Variants in GNAO1 observed in about 807,000 individuals in gnomAD.
GNAO1 encodes the protein guanine nucleotide-binding protein G(o) subunit alpha.
For synonymous variants in GNAO1, 164 were observed against 180.7 expected, an observed-to-expected ratio of 0.91 and a Z score of 0.74; for missense variants, 166 against 478.7, an observed-to-expected ratio of 0.35 and a Z score of 6.10.
intron 2 of GNAO1, among the ~76,000 whole-genome samples, chr16:56,271,650 T>C (rs1430750219): frequency 6.6e-6 from 1 of 152,182 alleles, no homozygotes; most frequent in Non-Finnish European, 1.5e-5. Flanking sequence ...AGACGGGGTT[T>C]CACCATGTTA....
chr16:56,213,377 G>A (rs2036408323), intron 2 of GNAO1: 1 of 398,436 alleles, frequency 2.5e-6, no homozygotes, highest in Non-Finnish European at 4.4e-6. Context: ...ATTCTTGTTA[G>A]GGGAGACAGG....
chr16:56,232,344 A>G (rs1250248718), intron 2 of GNAO1, among the ~76,000 whole-genome samples: 1 of 152,166 alleles, frequency 6.6e-6, no homozygotes, highest in Non-Finnish European at 1.5e-5. Flanking sequence ...GAGTGGCTCT[A>G]ATGAGTCAGG....
intron 6 of GNAO1, among the ~76,000 whole-genome samples, chr16:56,338,151 C>T (rs541861482): frequency 1.3e-5 from 2 of 152,256 alleles, no homozygotes; most frequent in South Asian, 2.1e-4. Flanking sequence ...GAGGAGCCGC[C>T]GCCCTGAGGG....
chr16:56,300,022 TGTGTGTGTGTGTGTGC>T (rs2037326345), intron 3 of GNAO1, among the ~76,000 whole-genome samples: 1 of 132,116 alleles, frequency 7.6e-6, no homozygotes, highest in African/African-American at 3.1e-5. Context: ...TGTGTGTGTG[TGTGTGTGTGTGTGTGC>T]GCGCGCGCGC....
chr16:56,347,993 C>T lies in GNAO1; in HGVS notation c.724-3391C>T, dbSNP rs1006688209. 4.1e-5 allele frequency: 40 copies of T among 981,100 alleles called. No homozygotes were observed. The Admixed American group carries it at 2.4e-3, about 59-fold the overall frequency. The allele number at this position is 981,100 out of a possible 1,614,324, so 60.8% of individuals were successfully genotyped here. A position where few individuals can be genotyped will look rare whatever the true frequency, so the allele number is the denominator to read the frequency against. On this transcript the variant is annotated intron_variant, in intron 6 of 8. Transcript: ENST00000262493. ...TCTAGGCGAGGTGGGCTCGGGCGTC[C>T]CAGGCCCTCCTTAGAAAAGCCGTCT...
At chr16:56,197,141 G>A (rs1339757002) in intron 2 of GNAO1, among the ~76,000 whole-genome samples, 1 of 152,210 alleles carries the variant, frequency 6.6e-6, no homozygotes, top group African/African-American at 2.4e-5. Context: ...ATTAATGGAG[G>A]TGAATAGCAA....
intron 3 of GNAO1, among the ~76,000 whole-genome samples, chr16:56,319,427 AG>A (rs1722473883): frequency 6.6e-6 from 1 of 152,090 alleles, no homozygotes; most frequent in South Asian, 2.1e-4. Context: ...GGTGGGTAGG[AG>A]CTGGGTACAC....
intron 2 of GNAO1, among the ~76,000 whole-genome samples, chr16:56,226,222 T>C (rs2036531820): frequency 6.6e-6 from 1 of 152,140 alleles, no homozygotes; most frequent in Non-Finnish European, 1.5e-5. Context: ...GGACCAAGTT[T>C]GTGGCAGTAG....
At chr16:56,209,934 T>A (rs1423582803) in intron 2 of GNAO1, among the ~76,000 whole-genome samples, 1 of 152,158 alleles carries the variant, frequency 6.6e-6, no homozygotes, top group Non-Finnish European at 1.5e-5. Flanking sequence ...TAGGCTTTAC[T>A]CTTGGTGGTG....
chr16:56,232,103 C>T (rs1294023611), intron 2 of GNAO1, among the ~76,000 whole-genome samples: 2 of 152,078 alleles, frequency 1.3e-5, no homozygotes, highest in South Asian at 2.1e-4. Context: ...AAGGCGTTGA[C>T]GGATGTCTGC....
At chr16:56,307,886 T>G (rs957826219) in intron 3 of GNAO1, 7 of 152,276 alleles carry the variant, frequency 4.6e-5, no homozygotes, top group Non-Finnish European at 7.3e-5. Context: ...CAAGGGACCT[T>G]GGTTCTTCCA....
chr16:56,350,736 G>A (rs1434656506), intron 6 of GNAO1, among the ~76,000 whole-genome samples: 3 of 152,102 alleles, frequency 2.0e-5, no homozygotes, highest in African/African-American at 7.2e-5. Context: ...ATGCTGGCAG[G>A]ACCTGGCATG....
At chr16:56,220,386 G>A (rs1213852010) in intron 2 of GNAO1, among the ~76,000 whole-genome samples, 3 of 152,140 alleles carry the variant, frequency 2.0e-5, no homozygotes, top group Admixed American at 2.0e-4. Flanking sequence ...AGGTTCCCTG[G>A]TAAGTCCAGG....
intron 2 of GNAO1, among the ~76,000 whole-genome samples, chr16:56,203,230 A>G (rs1278427657): frequency 6.6e-6 from 1 of 152,086 alleles, no homozygotes; most frequent in East Asian, 1.9e-4. Context: ...TGGGGCTGCC[A>G]GTCACTGCCC....
intron 2 of GNAO1, among the ~76,000 whole-genome samples, chr16:56,253,718 G>A (rs951912003): frequency 6.6e-6 from 1 of 152,182 alleles, no homozygotes; most frequent in African/African-American, 2.4e-5. Flanking sequence ...TGTGTAGCCA[G>A]GATTTGACCC....
intron 6 of GNAO1, among the ~76,000 whole-genome samples, chr16:56,350,151 C>T (rs954426503): frequency 6.6e-6 from 1 of 152,124 alleles, no homozygotes; most frequent in Non-Finnish European, 1.5e-5. Context: ...CCTCAGCACC[C>T]ACGGTGTGCT....
chr16:56,251,560 T>TAGAA (rs2036800222), intron 2 of GNAO1, among the ~76,000 whole-genome samples: 1 of 152,226 alleles, frequency 6.6e-6, no homozygotes, highest in African/African-American at 2.4e-5. Flanking sequence ...GATTGTAATA[T>TAGAA]AGAACCCCAG....
intron 4 of GNAO1, chr16:56,329,367 G>A (rs2037666570): frequency 6.6e-6 from 1 of 152,336 alleles, no homozygotes; most frequent in South Asian, 2.1e-4. Context: ...AGGAAGGGGA[G>A]AGAGGGAGAA....
intron 3 of GNAO1, among the ~76,000 whole-genome samples, chr16:56,327,329 C>T (rs186547872): frequency 6.6e-6 from 1 of 152,196 alleles, no homozygotes; most frequent in East Asian, 1.9e-4. Context: ...ATTCTGTGGG[C>T]CACGGCGAGT....
Sources: allele counts gnomAD v4.1 joint callset (sites outside exome capture counted in the v4.1 genomes callset), GRCh38; gene constraint gnomAD v4.1.1; transcripts MANE v1.5; gene names NCBI Gene and HGNC (gene_info 2026-07-23, HGNC 2026-07-21).